Variants in FGF13 observed in about 807,000 individuals in gnomAD.
FGF13 encodes the protein fibroblast growth factor homologous factor 2.
A neutral mutation model predicts 19.5 loss-of-function variants in FGF13; 2 were observed. That is an observed-to-expected ratio of 0.10 (90% CI 0.04 to 0.32). The LOEUF (loss-of-function observed/expected upper bound fraction) is 0.32, where lower values mean the gene tolerates loss of function less well. Among genes scored for constraint, FGF13 ranks in the 10% least tolerant of loss-of-function variants. FGF13 has a pLI of 1.00. For missense variants in FGF13, 113 were observed against 192.7 expected, an observed-to-expected ratio of 0.59 and a Z score of 2.45; for synonymous variants, 72 against 76.9, an observed-to-expected ratio of 0.94 and a Z score of 0.33.
chrX:138,920,681 C>A (rs1453314852), intron 1 of FGF13, among the ~76,000 whole-genome samples: 1 of 111,377 alleles, frequency 9.0e-6, no homozygotes, highest in Non-Finnish European at 1.9e-5. Context: ...AACTCTGCCA[C>A]AGAGTTGTAT....
At chrX:139,008,695 G>A (rs1367247316) in intron 1 of FGF13, among the ~76,000 whole-genome samples, 1 of 112,043 alleles carries the variant, frequency 8.9e-6, no homozygotes, top group Non-Finnish European at 1.9e-5. Context: ...AAAAGAATGT[G>A]AACAGCAGCC....
At chrX:138,959,240 C>T (rs935041338) in intron 1 of FGF13, among the ~76,000 whole-genome samples, 3 of 111,539 alleles carry the variant, frequency 2.7e-5, no homozygotes, top group Admixed American at 9.5e-5. Context: ...CTCACTGGTT[C>T]GAAGCACATC....
intron 3 of FGF13, among the ~76,000 whole-genome samples, chrX:138,763,902 C>A (rs1484525157): frequency 9.0e-6 from 1 of 111,445 alleles, no homozygotes; most frequent in African/African-American, 3.3e-5. Context: ...ACAATAAGTG[C>A]TCACACACCA....
chrX:138,696,548 G>A lies in FGF13; in HGVS notation c.402+6436C>T, dbSNP rs764248700. Among the ~76,000 whole-genome samples the A allele has an allele frequency of 6.3e-5, 7 of 111,615 alleles. No individual in the cohort carries two copies. In the South Asian group the frequency reaches 1.9e-3, roughly 30 times the overall value. On this transcript the variant is annotated intron_variant, in intron 3 of 4. Transcript: ENST00000315930. ...AGGAGGTAATAGATAATGGAAAAGC[G>A]GTCAATAGTCTGGAATATGAAAAGG...
Position 138,627,164 on chromosome X carries a change from T to C in FGF13, c.*5686A>G, listed in dbSNP as rs1259989278. On this transcript the variant is annotated 3_prime_UTR_variant, in exon 5 of 5. Transcript: ENST00000315930. ...TTGACACAGTTTCAATCCATTTATC[T>C]TTGTGTGAATGCTTTATCCAGGCCT... 1 of 111,734 alleles carries C rather than the reference T, an allele frequency of 8.9e-6. No individual in the cohort carries two copies. The highest frequency in any genetic ancestry group is 1.9e-5 in the Non-Finnish European group (1 of 53,194). The allele number at this position is 111,734 out of a possible 1,213,427, so 9.2% of individuals were successfully genotyped here.
chrX:139,042,093 G>A (rs1269218738), intron 1 of FGF13, among the ~76,000 whole-genome samples: 1 of 112,422 alleles, frequency 8.9e-6, no homozygotes, highest in African/African-American at 3.2e-5. Flanking sequence ...TTAACTAGAA[G>A]AATGGGTATG....
intron 3 of FGF13, among the ~76,000 whole-genome samples, chrX:138,786,842 G>C (rs185129715): frequency 5.3e-5 from 6 of 112,275 alleles, no homozygotes; most frequent in African/African-American, 1.6e-4. Flanking sequence ...TCCATCATTA[G>C]TTTCTACTTT....
chrX:138,657,791 C>T (rs1257706386), intron 3 of FGF13, among the ~76,000 whole-genome samples: 1 of 111,965 alleles, frequency 8.9e-6, no homozygotes, highest in Non-Finnish European at 1.9e-5. Context: ...GAAATAAAAA[C>T]AACCAATTCC....
At chrX:139,191,930 G>A (rs183804903) in intron 1 of FGF13, among the ~76,000 whole-genome samples, 2 of 111,461 alleles carry the variant, frequency 1.8e-5, no homozygotes, top group Non-Finnish European at 3.8e-5. Flanking sequence ...TGCTAGGATT[G>A]CCATCTCTGA....
intron 1 of FGF13, among the ~76,000 whole-genome samples, chrX:138,993,780 C>T (rs1170702877): frequency 1.8e-5 from 2 of 111,661 alleles, no homozygotes; most frequent in Non-Finnish European, 3.8e-5. Context: ...ATAATCCCCA[C>T]CTTCCCATGA....
chrX:139,168,752 G>A (rs975644850), intron 1 of FGF13, among the ~76,000 whole-genome samples: 2 of 111,499 alleles, frequency 1.8e-5, no homozygotes, highest in Admixed American at 9.5e-5. Flanking sequence ...AGTACCCCCT[G>A]GATTATTCAC....
chrX:138,660,062 C>T (rs902479962), intron 3 of FGF13, among the ~76,000 whole-genome samples: 1 of 111,602 alleles, frequency 9.0e-6, no homozygotes, highest in Non-Finnish European at 1.9e-5. Flanking sequence ...TATCCCAGAA[C>T]TTAAAGTATA....
chrX:138,707,196 G>T (rs1336725563), intron 2 of FGF13, among the ~76,000 whole-genome samples: 2 of 111,558 alleles, frequency 1.8e-5, no homozygotes, highest in Non-Finnish European at 3.8e-5. Flanking sequence ...CTCTTAAAAT[G>T]ATTACTTAGA....
intron 3 of FGF13, among the ~76,000 whole-genome samples, chrX:138,667,417 C>T (rs1157027126): frequency 1.8e-5 from 2 of 109,318 alleles, no homozygotes; most frequent in African/African-American, 6.6e-5. Context: ...TTGTATTTTC[C>T]AATTTTTCTG....
intron 1 of FGF13, among the ~76,000 whole-genome samples, chrX:139,202,609 T>C (rs1330953608): frequency 9.0e-6 from 1 of 111,186 alleles, no homozygotes; most frequent in East Asian, 2.8e-4. Context: ...GGGGGAGAAA[T>C]GGCTCCACTT....
At chrX:138,673,496 C>G (rs971038973) in intron 3 of FGF13, among the ~76,000 whole-genome samples, 2 of 111,266 alleles carry the variant, frequency 1.8e-5, no homozygotes, top group Non-Finnish European at 3.8e-5. Flanking sequence ...AAGGGGACAA[C>G]GGTGGGAATT....
At chrX:138,891,664 T>C (rs1289213898) in intron 1 of FGF13, among the ~76,000 whole-genome samples, 1 of 111,470 alleles carries the variant, frequency 9.0e-6, no homozygotes, top group Non-Finnish European at 1.9e-5. Flanking sequence ...GTATTGATCC[T>C]GGGTGTGTCT....
intron 1 of FGF13, among the ~76,000 whole-genome samples, chrX:138,905,727 G>A (rs1418837967): frequency 1.8e-5 from 2 of 112,381 alleles, no homozygotes; most frequent in African/African-American, 6.5e-5. Flanking sequence ...AACACTTTAA[G>A]TTGGGAAACG....
chrX:138,814,573 T>C (rs1183827077), intron 3 of FGF13, among the ~76,000 whole-genome samples: 2 of 111,174 alleles, frequency 1.8e-5, no homozygotes, highest in African/African-American at 6.5e-5. Flanking sequence ...AAAGAAGGCA[T>C]ACAAATGGCC....
Sources: allele counts gnomAD v4.1 joint callset (sites outside exome capture counted in the v4.1 genomes callset), GRCh38; gene constraint gnomAD v4.1.1; transcripts MANE v1.5; gene names NCBI Gene and HGNC (gene_info 2026-07-23, HGNC 2026-07-21).